TMEM181: variants seen among roughly 807,000 people sequenced by gnomAD.
TMEM181 encodes transmembrane protein 181, also known as G protein-coupled receptor 178.
A neutral mutation model predicts 71.9 loss-of-function variants in TMEM181; 39 were observed. The ratio of observed to expected loss-of-function variants is 0.54; its 90% CI spans 0.42 to 0.71. TMEM181 has a LOEUF of 0.71. TMEM181 is among the 30% of genes least tolerant of loss of function. The pLI is 0.00. For synonymous variants in TMEM181, 245 were observed against 228.8 expected (o/e 1.07, Z -0.64); for missense variants, 595 against 583.0 (o/e 1.02, Z -0.21).
rs2128334346 is a variant in TMEM181 at position 158,632,017 on chromosome 6, T to G, written c.*129T>G. The G allele has an allele frequency of 1.0e-6, 1 of 1,000,268 alleles. No homozygotes were observed. Among genetic ancestry groups the G allele is most frequent in the Non-Finnish European group, 1.4e-6 (1 of 690,188 alleles). 62.0% of individuals were successfully genotyped at this position (1,000,268 alleles called of 1,614,324 possible). A position where few individuals can be genotyped will look rare whatever the true frequency, so the allele number is the denominator to read the frequency against. On this transcript the variant is annotated 3_prime_UTR_variant, in exon 17 of 17. Coordinates refer to ENST00000684151, the MANE Select transcript of TMEM181 (RefSeq NM_001376852.1). ...TTTCCTGTTCATTTGTTTACATATT[T>G]TTTTAAAGGAAAACCAAAACTGAGG...
At chr6:158,615,133 A>G (rs1186904934) in intron 10 of TMEM181, among the ~76,000 whole-genome samples, 3 of 152,164 alleles carry the variant, frequency 2.0e-5, no homozygotes, top group Non-Finnish European at 2.9e-5. Context: ...CTTTCTCTAC[A>G]TCCTCTCCAG....
intron 10 of TMEM181, chr6:158,611,638 C>A (rs9457413): frequency 0.58 from 186,656 of 321,458 alleles, 55,207 homozygotes; most frequent in African/African-American, 0.68. Flanking sequence ...GACGAAAGGA[C>A]TCCCTGAGTG....
At chr6:158,605,160 ATGTG>A in intron 6 of TMEM181, 103 bp from the exon 7 acceptor site, 1 of 523,760 alleles carries the variant, frequency 1.9e-6, no homozygotes, top group Non-Finnish European at 3.4e-6. Context: ...GTGTGTGTGT[ATGTG>A]TATATATTGT....
At chr6:158,615,172 T>C (rs1250496921) in intron 10 of TMEM181, among the ~76,000 whole-genome samples, 1 of 152,258 alleles carries the variant, frequency 6.6e-6, no homozygotes, top group Non-Finnish European at 1.5e-5. Context: ...GTTTTAATGA[T>C]TGCCATTCTA....
upstream of TMEM181, among the ~76,000 whole-genome samples, chr6:158,557,630 G>A (rs2128283271): frequency 6.6e-6 from 1 of 152,182 alleles, no homozygotes; most frequent in South Asian, 2.1e-4. Context: ...CAATTCTCCT[G>A]CTTCAGCCTC....
intron 3 of TMEM181, among the ~76,000 whole-genome samples, chr6:158,583,551 A>G (rs1343602310): frequency 6.6e-6 from 1 of 152,174 alleles, no homozygotes; most frequent in Non-Finnish European, 1.5e-5. Flanking sequence ...CCTGTAACCT[A>G]GCGCTTTAGG....
At chr6:158,579,340 G>A (rs1054716846) in intron 2 of TMEM181, among the ~76,000 whole-genome samples, 4 of 151,958 alleles carry the variant, frequency 2.6e-5, no homozygotes, top group South Asian at 2.1e-4. Context: ...AACAAACTGT[G>A]GAATCAACCA....
intron 3 of TMEM181, among the ~76,000 whole-genome samples, chr6:158,581,710 G>A (rs545217803): frequency 8.5e-5 from 11 of 129,580 alleles, no homozygotes; most frequent in East Asian, 2.2e-4. Context: ...AGCCAAGATC[G>A]TGCCAATGCA....
intron 9 of TMEM181, 85 bp downstream of exon 9, chr6:158,608,548 A>G: frequency 5.6e-6 from 9 of 1,608,198 alleles, no homozygotes; most frequent in Non-Finnish European, 6.8e-6. Flanking sequence ...AGAAAGGTGA[A>G]TTTATCCATG....
chr6:158,582,269 C>G (rs1322340636), intron 3 of TMEM181, among the ~76,000 whole-genome samples: 1 of 152,122 alleles, frequency 6.6e-6, no homozygotes, highest in East Asian at 1.9e-4. Context: ...GGGTGTGAGT[C>G]TCTCTTTGAC....
intron 10 of TMEM181, among the ~76,000 whole-genome samples, chr6:158,622,277 T>C (rs1225477241): frequency 6.6e-6 from 1 of 151,808 alleles, no homozygotes; most frequent in African/African-American, 2.4e-5. Context: ...TGCTCTCTCT[T>C]TTTCAAAATA....
At chr6:158,595,009 A>G (rs978352672) in intron 6 of TMEM181, among the ~76,000 whole-genome samples, 2 of 152,222 alleles carry the variant, frequency 1.3e-5, no homozygotes, top group Non-Finnish European at 2.9e-5. Context: ...GGTAAATATC[A>G]AAAAGCAAAA....
chr6:158,597,181 C>G (rs141828548), intron 6 of TMEM181, among the ~76,000 whole-genome samples: 1 of 152,122 alleles, frequency 6.6e-6, no homozygotes, highest in Non-Finnish European at 1.5e-5. Flanking sequence ...ATTTCTCTCT[C>G]CTTTTGTTCT....
At chr6:158,581,453 A>T (rs139632650) in intron 3 of TMEM181, among the ~76,000 whole-genome samples, 494 of 152,262 alleles carry the variant, frequency 3.2e-3, no homozygotes, top group African/African-American at 0.011. Flanking sequence ...AAAATCCTTT[A>T]AAAAATACAC....
At chr6:158,541,445 A>C (rs561544691) in intron 1 of TMEM181, among the ~76,000 whole-genome samples, 22 of 151,938 alleles carry the variant, frequency 1.4e-4, no homozygotes, top group Non-Finnish European at 2.9e-4. Context: ...AAAACAAAAA[A>C]CAAAAGAATT....
At chr6:158,560,597 C>T (rs1782103541) in intron 1 of TMEM181, among the ~76,000 whole-genome samples, 1 of 152,154 alleles carries the variant, frequency 6.6e-6, no homozygotes, top group Non-Finnish European at 1.5e-5. Flanking sequence ...GTCCCGCCGC[C>T]TCCCGGGCAG....
At chr6:158,588,608 C>A (rs1247074822) in intron 5 of TMEM181, among the ~76,000 whole-genome samples, 1 of 152,204 alleles carries the variant, frequency 6.6e-6, no homozygotes, top group Non-Finnish European at 1.5e-5. Flanking sequence ...TGCCACCACA[C>A]CCGGCTGATT....
At chr6:158,580,876 G>GA (rs1230796404) in intron 2 of TMEM181, 64 bp from the exon 3 acceptor site, 9 of 1,495,496 alleles carry the variant, frequency 6.0e-6, no homozygotes, top group East Asian at 4.6e-5. Context: ...TTGGAATTTG[G>GA]AAAAAAATAC....
chr6:158,585,666 G>T (rs906830835), intron 5 of TMEM181, among the ~76,000 whole-genome samples: 1 of 152,118 alleles, frequency 6.6e-6, no homozygotes, highest in Non-Finnish European at 1.5e-5. Flanking sequence ...ACACGTGTAC[G>T]CACATATGCA....
Sources: gnomAD v4.1 joint callset for allele counts (sites outside exome capture counted in the v4.1 genomes callset) on GRCh38, gnomAD v4.1.1 for gene constraint, MANE v1.5 for transcripts, NCBI Gene and HGNC (gene_info 2026-07-23, HGNC 2026-07-21) for gene names.